TRPM6: variants seen among roughly 807,000 people sequenced by gnomAD.
TRPM6 encodes the protein channel kinase 2.
TRPM6 carries 111 observed loss-of-function variants against 247.6 expected under a neutral mutation model. The observed-to-expected ratio is 0.45, with a 90% confidence interval of 0.38 to 0.52. TRPM6 has a LOEUF of 0.52. Among genes scored for constraint, TRPM6 ranks in the 20% least tolerant of loss-of-function variants. The pLI is 0.00. For missense variants in TRPM6, 2,126 were observed against 2,421.5 expected (o/e 0.88, Z 2.56); for synonymous variants, 892 against 853.8 (o/e 1.04, Z -0.78).
At chr9:74,887,759 G>A (rs1204936991) in intron 1 of TRPM6, 65 bp downstream of exon 1, 2 of 1,613,900 alleles carry the variant, frequency 1.2e-6, no homozygotes, top group Non-Finnish European at 1.7e-6. Flanking sequence ...TCTAAGGCCG[G>A]GGGCGCAGAT....
chr9:74,785,644 TC>T (rs1300148853), intron 21 of TRPM6, among the ~76,000 whole-genome samples: 2 of 152,126 alleles, frequency 1.3e-5, no homozygotes, highest in Admixed American at 1.3e-4. Context: ...CGCCTCAGCC[TC>T]CTGAGTAGCT....
intron 25 of TRPM6, among the ~76,000 whole-genome samples, chr9:74,764,541 C>A (rs376775711): frequency 1.3e-5 from 2 of 152,200 alleles, no homozygotes; most frequent in African/African-American, 2.4e-5. Context: ...GGAGAAAGCA[C>A]GGCCCTGCCA....
chr9:74,804,789 G>C, intron 14 of TRPM6: 1 of 672,888 alleles, frequency 1.5e-6, no homozygotes, highest in African/African-American at 1.8e-5. Context: ...CCTTGCACGG[G>C]CTCGTAAGCA....
At chr9:74,817,071 ATTC>A in intron 9 of TRPM6, 107 bp from the exon 10 acceptor site, 1 of 1,048,922 alleles carries the variant, frequency 9.5e-7, no homozygotes, top group Non-Finnish European at 1.5e-6. Context: ...TGAGGAAAAC[ATTC>A]TTCTTTAAAA....
chr9:74,771,041 C>G (rs1341354060), intron 25 of TRPM6, among the ~76,000 whole-genome samples: 1 of 152,176 alleles, frequency 6.6e-6, no homozygotes, highest in Non-Finnish European at 1.5e-5. Flanking sequence ...CCCATCCAAC[C>G]AGCACCCTCC....
intron 24 of TRPM6, among the ~76,000 whole-genome samples, chr9:74,773,585 A>G (rs1827121351): frequency 6.6e-6 from 1 of 152,228 alleles, no homozygotes; most frequent in Non-Finnish European, 1.5e-5. Context: ...ACCATCTTTT[A>G]AGCAAGTTTA....
At chr9:74,883,088 G>T (rs983538420) in intron 1 of TRPM6, among the ~76,000 whole-genome samples, 1 of 152,090 alleles carries the variant, frequency 6.6e-6, no homozygotes, top group African/African-American at 2.4e-5. Flanking sequence ...TTCTATAGAT[G>T]CCTCATAAGT....
At chr9:74,782,069 A>G (rs1338277448) in intron 23 of TRPM6, among the ~76,000 whole-genome samples, 1 of 152,176 alleles carries the variant, frequency 6.6e-6, no homozygotes, top group African/African-American at 2.4e-5. Context: ...GTTATATGAA[A>G]TACTACACCA....
chr9:74,875,497 C>T (rs1831169439), intron 1 of TRPM6, among the ~76,000 whole-genome samples: 3 of 152,022 alleles, frequency 2.0e-5, no homozygotes, highest in South Asian at 2.1e-4. Flanking sequence ...GAGCCAAGAT[C>T]GTGCCACTGC....
chr9:74,844,975 G>T (rs1473085381), intron 3 of TRPM6, among the ~76,000 whole-genome samples: 1 of 152,174 alleles, frequency 6.6e-6, no homozygotes, highest in Non-Finnish European at 1.5e-5. Flanking sequence ...GAGAGAGACA[G>T]GATCGGTCAG....
rs141696256 is a variant in TRPM6, at chr9:74,755,847, C to T, written c.4786-374G>A. 9.5e-3 allele frequency among the ~76,000 whole-genome samples: 1,443 copies of T among 152,268 alleles called. 16 individuals are homozygous for T. The highest frequency in any genetic ancestry group is 0.033 in the African/African-American group (1,376 of 41,530). Reference sequence around the variant, plus strand: ...CTCTATTAAGTTCCCAGGTGATGCTCATGCTGCCAATAGGAGATCATATTT... The same window carrying T: ...CTCTATTAAGTTCCCAGGTGATGCTTATGCTGCCAATAGGAGATCATATTT... On this transcript the variant is annotated intron_variant, in intron 27 of 38. Transcript: ENST00000360774.
At chr9:74,836,626 C>G (rs997924111) in intron 5 of TRPM6, among the ~76,000 whole-genome samples, 2 of 152,174 alleles carry the variant, frequency 1.3e-5, no homozygotes, top group Non-Finnish European at 2.9e-5. Context: ...CCGTAAAACC[C>G]AATTTGACCA....
In TRPM6 at chr9:74,800,192, C is replaced by G. The variant is rs529239714; in HGVS notation, c.2238+62G>C. On this transcript the variant is annotated intron_variant, in intron 17 of 38. Coordinates refer to ENST00000360774, the MANE Select transcript of TRPM6 (RefSeq NM_017662.5). ...CACAATTCTGGAACAAAATGTAACTCGAGTACAGAATTTTATACAAGACTA... is the reference window on the plus strand; with the variant it reads ...CACAATTCTGGAACAAAATGTAACTGGAGTACAGAATTTTATACAAGACTA... 7 of 1,459,996 alleles carry G rather than the reference C, an allele frequency of 4.8e-6. No homozygotes were observed. The Admixed American group carries it at 1.0e-4, about 22-fold the overall frequency. The allele number at this position is 1,459,996 out of a possible 1,614,324, so 90.4% of individuals were successfully genotyped here.
chr9:74,792,706 T>C lies in TRPM6; in HGVS notation c.2456A>G (p.Glu819Gly). The change falls in exon 19 of 39, where the codon GAA becomes GGA. Residue 819 changes from glutamate (E) to glycine (G), a missense_variant. Glu to Gly is a moderately conservative substitution (Grantham distance 98). This residue lies in a region of TRPM6 where 1,082 missense variants were observed against 1,307.9 expected (regional missense o/e 0.83). Transcript: ENST00000360774. ...CCACGGAAGGTGTTGGTGCCCACTT[T>C]CCAAACCAAAATGCTGATTTTCATC... is the stretch of plus-strand genomic sequence containing the variant. ...KLDENQHFGL[E>G]SGHQHLPWTR... 1 of 1,613,980 alleles carries C rather than the reference T, an allele frequency of 6.2e-7. No homozygotes were observed. Among genetic ancestry groups the C allele is most frequent in the East Asian group, 2.2e-5 (1 of 44,874 alleles).
chr9:74,727,464 T>C (rs951745190), intron 38 of TRPM6, among the ~76,000 whole-genome samples: 2 of 151,710 alleles, frequency 1.3e-5, no homozygotes, highest in Admixed American at 1.3e-4. Flanking sequence ...CGATGGATGG[T>C]GCTCTTTTAC....
chr9:74,755,519 A>C (rs1230594529), intron 27 of TRPM6, 46 bp from the exon 28 acceptor site: 1 of 1,611,808 alleles, frequency 6.2e-7, no homozygotes, highest in East Asian at 2.2e-5. Flanking sequence ...TTAATTCAAA[A>C]GCACTGTGAG....
intron 16 of TRPM6, among the ~76,000 whole-genome samples, chr9:74,801,003 T>A (rs1828312088): frequency 6.6e-6 from 1 of 150,892 alleles, no homozygotes; most frequent in Non-Finnish European, 1.5e-5. Context: ...TTATAAAATA[T>A]CTACATGACT....
chr9:74,860,560 C>T (rs748649063), intron 1 of TRPM6, among the ~76,000 whole-genome samples: 5 of 152,040 alleles, frequency 3.3e-5, no homozygotes, highest in African/African-American at 9.7e-5. Context: ...GGTTTCACCA[C>T]GTTGGTCAGA....
chr9:74,776,167 A>C (rs758592160), intron 23 of TRPM6, 91 bp from the exon 24 acceptor site: 6 of 1,100,066 alleles, frequency 5.5e-6, no homozygotes, highest in Non-Finnish European at 2.8e-6. Flanking sequence ...TGATTGGCTC[A>C]CCTGACATTA....
Sources: gnomAD v4.1 joint callset for allele counts (sites outside exome capture counted in the v4.1 genomes callset) on GRCh38, gnomAD v4.1.1 for gene constraint, gnomAD v4.1.1 regional missense constraint, MANE v1.5 for transcripts, NCBI Gene and HGNC (gene_info 2026-07-23, HGNC 2026-07-21) for gene names.